RTL4: variants seen among roughly 807,000 people sequenced by gnomAD.
RTL4 encodes retrotransposon Gag like 4.
Under a neutral mutation model 5.3 loss-of-function variants are expected in RTL4, and 4 were observed. The observed-to-expected ratio is 0.75, with a 90% CI of 0.37 to 1.72. The LOEUF (loss-of-function observed/expected upper bound fraction) is 1.72. Ranked by LOEUF, RTL4 falls within the 40% of genes most tolerant of loss-of-function variation. The pLI is 0.04. For synonymous variants in RTL4, 98 were observed against 87.3 expected, an observed-to-expected ratio of 1.12 and a Z score of -0.68; for missense variants, 260 against 227.1, an observed-to-expected ratio of 1.14 and a Z score of -0.93.
At chrX:112,100,495 C>G in the RTL4 span, among the ~76,000 whole-genome samples, 1 of 111,797 alleles carries the variant, frequency 8.9e-6, no homozygotes, top group Non-Finnish European at 1.9e-5. Flanking sequence ...AAGACTGTTA[C>G]AAGAAAACAT....
At chrX:112,256,387 G>A in the RTL4 span, among the ~76,000 whole-genome samples, 2 of 111,532 alleles carry the variant, frequency 1.8e-5, no homozygotes, top group African/African-American at 3.2e-5. Flanking sequence ...ACAAATGATA[G>A]CATACTACAC....
the RTL4 span, among the ~76,000 whole-genome samples, chrX:112,119,479 C>T: frequency 5.4e-5 from 6 of 111,031 alleles, no homozygotes; most frequent in African/African-American, 2.0e-4. Context: ...TGGCCTTACA[C>T]ATGAGAATGT....
At chrX:112,454,829 C>T (rs771574786) in exon 1 of RTL4, 28 of 1,208,995 alleles carry the variant, frequency 2.3e-5, no homozygotes, top group South Asian at 3.5e-5. Context: ...CATCCAACCA[C>T]GGAGAACACT....
At chrX:112,452,257 A>ATT (rs760522980), upstream of RTL4, among the ~76,000 whole-genome samples, 120 of 65,427 alleles carry the variant, frequency 1.8e-3, no homozygotes, top group Non-Finnish European at 2.9e-3. Context: ...CGCGCAGCTA[A>ATT]TTTTTTTTTT....
At chrX:112,389,167 T>C in the RTL4 span, among the ~76,000 whole-genome samples, 260 of 110,667 alleles carry the variant, frequency 2.3e-3, 1 homozygote, top group Non-Finnish European at 3.1e-3. Context: ...GGTGTATGTG[T>C]CCAGGAATTT....
the RTL4 span, among the ~76,000 whole-genome samples, chrX:112,399,076 T>C: frequency 1.8e-5 from 2 of 111,916 alleles, no homozygotes; most frequent in African/African-American, 6.5e-5. Context: ...TTCATTTAGG[T>C]TGTTGGATTT....
At chrX:112,301,746 T>C in the RTL4 span, among the ~76,000 whole-genome samples, 58 of 108,474 alleles carry the variant, frequency 5.3e-4, no homozygotes, top group African/African-American at 1.8e-3. Flanking sequence ...GAGTATCACT[T>C]GAGTCCAGAA....
chrX:112,456,357 T>G (rs917309668), exon 1 of RTL4: 39 of 307,315 alleles, frequency 1.3e-4, no homozygotes, highest in Non-Finnish European at 2.2e-4. Context: ...ATTTGAATAC[T>G]GCTTGGAACT....
At chrX:112,243,348 C>T in the RTL4 span, among the ~76,000 whole-genome samples, 1 of 110,990 alleles carries the variant, frequency 9.0e-6, no homozygotes, top group East Asian at 2.8e-4. Context: ...GGTTAGTAGG[C>T]TATTAATTAT....
the RTL4 span, among the ~76,000 whole-genome samples, chrX:112,335,735 A>T: frequency 1.9e-3 from 214 of 110,343 alleles, no homozygotes; most frequent in African/African-American, 6.7e-3. Context: ...TTTTATTCCA[A>T]CTCATTAATT....
At chrX:112,449,810 T>G (rs1926703065), upstream of RTL4, among the ~76,000 whole-genome samples, 1 of 112,013 alleles carries the variant, frequency 8.9e-6, no homozygotes, top group Admixed American at 9.5e-5. Flanking sequence ...TTTGTATGTG[T>G]GCTAAAGTTT....
the RTL4 span, among the ~76,000 whole-genome samples, chrX:112,388,269 C>A: frequency 8.9e-6 from 1 of 111,811 alleles, no homozygotes; most frequent in Non-Finnish European, 1.9e-5. Flanking sequence ...GATTTTGTAT[C>A]CTGAGACTTT....
At chrX:112,330,785 C>G in the RTL4 span, among the ~76,000 whole-genome samples, 33 of 111,496 alleles carry the variant, frequency 3.0e-4, no homozygotes, top group East Asian at 7.6e-3. Context: ...ACCAAAACAG[C>G]ATGGTACTGG....
At chrX:112,287,443 G>T in the RTL4 span, among the ~76,000 whole-genome samples, 1 of 111,877 alleles carries the variant, frequency 8.9e-6, no homozygotes, top group Non-Finnish European at 1.9e-5. Flanking sequence ...TTCTAGAATT[G>T]TAGGATTCTG....
the RTL4 span, among the ~76,000 whole-genome samples, chrX:112,153,847 C>T: frequency 9.0e-6 from 1 of 110,957 alleles, no homozygotes; most frequent in African/African-American, 3.3e-5. Context: ...GTTAATTGAG[C>T]TTTTTAGATG....
At chrX:112,348,852 G>A in the RTL4 span, among the ~76,000 whole-genome samples, 1 of 110,192 alleles carries the variant, frequency 9.1e-6, no homozygotes, top group Non-Finnish European at 1.9e-5. Flanking sequence ...ATACAACAAG[G>A]AGAGATAATA....
chrX:112,255,006 G>T, the RTL4 span, among the ~76,000 whole-genome samples: 9 of 111,839 alleles, frequency 8.0e-5, no homozygotes, highest in Non-Finnish European at 1.7e-4. Context: ...ATTAATCACT[G>T]CTGGGCAGGA....
the RTL4 span, among the ~76,000 whole-genome samples, chrX:112,434,842 A>G: frequency 9.0e-4 from 100 of 111,527 alleles, no homozygotes; most frequent in African/African-American, 3.1e-3. Flanking sequence ...CTGTTCTCAC[A>G]CTGCTGTGAG....
chrX:112,091,823 G>A, the RTL4 span, among the ~76,000 whole-genome samples: 1 of 110,952 alleles, frequency 9.0e-6, no homozygotes, highest in East Asian at 2.8e-4. Context: ...TATTGAAAGT[G>A]GGGTATCGAA....
Sources: allele counts gnomAD v4.1 joint callset (sites outside exome capture counted in the v4.1 genomes callset), GRCh38; gene constraint gnomAD v4.1.1; transcripts MANE v1.5; gene names NCBI Gene and HGNC (gene_info 2026-07-23, HGNC 2026-07-21).